The following GARIN1A variants were observed in gnomAD, a reference collection of about 807,000 sequenced individuals.
The protein encoded by GARIN1A is golgi associated RAB2 interactor 1A.
the GARIN1A span, among the ~76,000 whole-genome samples, chr7:128,702,391 T>C: frequency 6.6e-6 from 1 of 152,160 alleles, no homozygotes; most frequent in Non-Finnish European, 1.5e-5. Context: ...GAGGGAGATA[T>C]TGGAAAGACC....
the GARIN1A span, chr7:128,680,052 T>C: frequency 1.3e-6 from 2 of 1,569,166 alleles, no homozygotes; most frequent in African/African-American, 1.4e-5. Flanking sequence ...CCTCCTGTCA[T>C]CCCCCCAGCC....
At chr7:128,684,952 A>G in the GARIN1A span, 4 of 149,900 alleles carry the variant, frequency 2.7e-5, no homozygotes, top group Admixed American at 2.7e-4. Context: ...CCTAGGCTGG[A>G]GTGCAGTGGT....
chr7:128,677,790 C>G, the GARIN1A span: 1 of 1,613,512 alleles, frequency 6.2e-7, no homozygotes, highest in Non-Finnish European at 8.5e-7. Context: ...GCCCAAGATG[C>G]CCACCAACTC....
chr7:128,673,949 C>T, the GARIN1A span, among the ~76,000 whole-genome samples: 3 of 152,038 alleles, frequency 2.0e-5, no homozygotes, highest in African/African-American at 7.3e-5. Flanking sequence ...ACTCCGTTGC[C>T]CTGGCATGGT....
At chr7:128,676,118 CA>C in the GARIN1A span, among the ~76,000 whole-genome samples, 6 of 149,670 alleles carry the variant, frequency 4.0e-5, 1 homozygote, top group Admixed American at 2.7e-4. Context: ...CTCCCGGGTT[CA>C]CGCCATTCAC....
At chr7:128,701,799 C>T in the GARIN1A span, among the ~76,000 whole-genome samples, 3 of 152,104 alleles carry the variant, frequency 2.0e-5, no homozygotes, top group African/African-American at 7.2e-5. Flanking sequence ...GGGAGCTGAA[C>T]ATACTGATAC....
the GARIN1A span, among the ~76,000 whole-genome samples, chr7:128,703,911 C>T: frequency 6.6e-6 from 1 of 152,120 alleles, no homozygotes; most frequent in Admixed American, 6.5e-5. Flanking sequence ...GGTGACTCGA[C>T]GTTGGAGGAT....
chr7:128,673,701 G>A, the GARIN1A span, among the ~76,000 whole-genome samples: 1 of 152,304 alleles, frequency 6.6e-6, no homozygotes, highest in Non-Finnish European at 1.5e-5. Context: ...TTGGAGAGCT[G>A]TGTTTATGGC....
chr7:128,679,550 C>T, the GARIN1A span, among the ~76,000 whole-genome samples: 1 of 152,098 alleles, frequency 6.6e-6, no homozygotes, highest in Non-Finnish European at 1.5e-5. Flanking sequence ...ACAAATATTT[C>T]CTCAAGTATT....
the GARIN1A span, chr7:128,675,620 T>C: frequency 6.3e-7 from 1 of 1,592,008 alleles, no homozygotes; most frequent in Non-Finnish European, 8.6e-7. Flanking sequence ...GCATCTGTAT[T>C]CCACCCCTTG....
chr7:128,701,477 G>A, the GARIN1A span, among the ~76,000 whole-genome samples: 1 of 144,582 alleles, frequency 6.9e-6, no homozygotes, highest in African/African-American at 2.6e-5. Flanking sequence ...AAGGGAAGGG[G>A]GTCTTATTCC....
chr7:128,672,558 C>T, the GARIN1A span: 1 of 1,501,930 alleles, frequency 6.7e-7, no homozygotes. Flanking sequence ...CAGGTACCCT[C>T]GTGGAGCTCA....
At chr7:128,678,717 T>A in the GARIN1A span, among the ~76,000 whole-genome samples, 1 of 151,826 alleles carries the variant, frequency 6.6e-6, no homozygotes, top group African/African-American at 2.4e-5. Context: ...GGAGAATTGC[T>A]TAAACTCAGG....
At chr7:128,706,882 C>T in the GARIN1A span, among the ~76,000 whole-genome samples, 1 of 152,134 alleles carries the variant, frequency 6.6e-6, no homozygotes, top group South Asian at 2.1e-4. Context: ...CTGGGAAATG[C>T]AAAGGGCTAC....
the GARIN1A span, chr7:128,675,776 C>A: frequency 1.9e-6 from 3 of 1,613,974 alleles, no homozygotes; most frequent in Non-Finnish European, 2.5e-6. Flanking sequence ...CCAATGTCCT[C>A]CTGATGGCCA....
chr7:128,690,208 G>A, the GARIN1A span, among the ~76,000 whole-genome samples: 1 of 152,152 alleles, frequency 6.6e-6, no homozygotes, highest in African/African-American at 2.4e-5. Flanking sequence ...CTTGAAGGCA[G>A]CATGCTCGTT....
At chr7:128,672,301 TG>T in the GARIN1A span, 1 of 1,042,694 alleles carries the variant, frequency 9.6e-7, no homozygotes, top group Non-Finnish European at 1.4e-6. Context: ...GAGGAAATGC[TG>T]GGGAGGTGGG....
the GARIN1A span, among the ~76,000 whole-genome samples, chr7:128,696,612 G>A: frequency 6.6e-6 from 1 of 152,176 alleles, no homozygotes; most frequent in Non-Finnish European, 1.5e-5. Flanking sequence ...AGGATCACTC[G>A]AGGTCAGGAG....
the GARIN1A span, chr7:128,691,866 A>C: frequency 6.6e-6 from 1 of 152,018 alleles, no homozygotes; most frequent in African/African-American, 2.4e-5. Flanking sequence ...CCCTCCCTTC[A>C]TCCTTCAGAT....
Sources: allele counts gnomAD v4.1 joint callset (sites outside exome capture counted in the v4.1 genomes callset), GRCh38; gene constraint gnomAD v4.1.1; transcripts MANE v1.5; gene names NCBI Gene and HGNC (gene_info 2026-07-23, HGNC 2026-07-21).